Variants in MAN2A1 observed in about 807,000 individuals in gnomAD.
MAN2A1 encodes alpha-mannosidase 2.
MAN2A1 carries 76 observed loss-of-function variants against 142.6 expected under a neutral mutation model. The observed-to-expected ratio is 0.53, with a 90% CI of 0.44 to 0.65. The LOEUF is 0.65. Ranked by LOEUF, MAN2A1 falls within the 30% of genes least tolerant of loss-of-function variation. The probability of loss-of-function intolerance (pLI) is 0.00; values close to 1 mark genes in which losing one functional copy is unlikely to be tolerated. For missense variants in MAN2A1, 1,311 were observed against 1,365.1 expected (o/e 0.96, Z 0.62); for synonymous variants, 559 against 473.2 (o/e 1.18, Z -2.35).
chr5:109,847,709 C>T lies in MAN2A1; in HGVS notation c.2895C>T (p.Gly965=). 3.7e-6 allele frequency: 6 copies of T among 1,600,572 alleles called. No individual in the cohort carries two copies. The highest frequency in any genetic ancestry group is 5.1e-6 in the Non-Finnish European group (6 of 1,174,034). The change falls in exon 19 of 22, where the codon GGC becomes GGT. Residue 965 remains glycine (G), a synonymous_variant. Transcript: ENST00000261483. ...GACTCATGCAAGATGATAATCGTGG[C>T]CTTGAGCAAGGTATCCAGGATAACA... is the stretch of plus-strand genomic sequence containing the variant. The part of the protein sequence containing the change: ...DRRLMQDDNR[G]LEQGIQDNKI...
intron 3 of MAN2A1, among the ~76,000 whole-genome samples, chr5:109,726,271 G>T (rs1751742088): frequency 1.3e-5 from 2 of 151,984 alleles, no homozygotes; most frequent in South Asian, 4.1e-4. Flanking sequence ...ATTTCTGGTT[G>T]GTCTCATGTT....
chr5:109,795,371 A>T (rs985254803), intron 12 of MAN2A1, among the ~76,000 whole-genome samples: 10 of 152,194 alleles, frequency 6.6e-5, no homozygotes, highest in Non-Finnish European at 1.3e-4. Flanking sequence ...ACATTGACTG[A>T]AATTAAATAA....
At chr5:109,765,010 A>G (rs1039469832) in intron 5 of MAN2A1, among the ~76,000 whole-genome samples, 1 of 152,146 alleles carries the variant, frequency 6.6e-6, no homozygotes, top group Non-Finnish European at 1.5e-5. Flanking sequence ...ACTTCATTGC[A>G]TATTTCCTAA....
intron 2 of MAN2A1, 104 bp downstream of exon 2, chr5:109,713,878 T>G: frequency 5.8e-6 from 6 of 1,026,600 alleles, no homozygotes; most frequent in Non-Finnish European, 7.1e-6. Context: ...TTAAACTCTT[T>G]GGATTCTAGT....
In MAN2A1 at chr5:109,726,112, A is replaced by G. The variant is rs551196736; in HGVS notation, c.536-3230A>G. On this transcript the variant is annotated intron_variant, in intron 3 of 21. Transcript: ENST00000261483. ...TCTAGCCCTCGTTCAATTTTCAGGG[A>G]TATTCCAACAGAAAGAAAAAAAGCT... Among the ~76,000 whole-genome samples the G allele has an allele frequency of 2.6e-5, 4 of 152,284 alleles. No homozygotes were observed. In the South Asian group the frequency reaches 8.3e-4, roughly 32 times the overall value.
At chr5:109,830,437 C>T (rs2112740829) in intron 16 of MAN2A1, among the ~76,000 whole-genome samples, 1 of 152,330 alleles carries the variant, frequency 6.6e-6, no homozygotes, top group Admixed American at 6.5e-5. Context: ...CTAAATTCAT[C>T]TTCTACACTT....
chr5:109,745,564 A>G (rs1044949921), intron 4 of MAN2A1, among the ~76,000 whole-genome samples: 2 of 152,124 alleles, frequency 1.3e-5, no homozygotes, highest in Non-Finnish European at 2.9e-5. Flanking sequence ...CTGCTTATTA[A>G]AACTTTGCAG....
At chr5:109,791,035 CT>C (rs1283673423) in intron 12 of MAN2A1, among the ~76,000 whole-genome samples, 1 of 151,956 alleles carries the variant, frequency 6.6e-6, no homozygotes, top group Non-Finnish European at 1.5e-5. Context: ...TATTTTTAAG[CT>C]TTCATATTGA....
intron 10 of MAN2A1, among the ~76,000 whole-genome samples, chr5:109,788,182 T>C (rs1043758174): frequency 6.7e-6 from 1 of 149,768 alleles, no homozygotes; most frequent in Non-Finnish European, 1.5e-5. Context: ...TATGGATGCC[T>C]GGTCTGTAGA....
At chr5:109,708,662 GTC>G (rs1050457670) in intron 1 of MAN2A1, among the ~76,000 whole-genome samples, 5 of 152,154 alleles carry the variant, frequency 3.3e-5, no homozygotes, top group African/African-American at 1.2e-4. Flanking sequence ...GCAGGACTTA[GTC>G]TAAGTCTGAA....
chr5:109,849,560 C>T (rs1010110582), intron 19 of MAN2A1, among the ~76,000 whole-genome samples: 5 of 152,142 alleles, frequency 3.3e-5, no homozygotes, highest in African/African-American at 1.2e-4. Flanking sequence ...ATCTCATTGC[C>T]TGAATATTTC....
intron 1 of MAN2A1, among the ~76,000 whole-genome samples, chr5:109,705,361 C>T (rs942402186): frequency 6.6e-6 from 1 of 152,104 alleles, no homozygotes; most frequent in African/African-American, 2.4e-5. Context: ...TTACTTTGAA[C>T]CATAAAGGGT....
intron 1 of MAN2A1, among the ~76,000 whole-genome samples, chr5:109,691,506 AAG>A (rs1254211990): frequency 6.6e-6 from 1 of 152,232 alleles, no homozygotes; most frequent in African/African-American, 2.4e-5. Context: ...ACTTACGAGA[AAG>A]AGAAGCCTAG....
At chr5:109,732,766 C>A (rs1252133477) in intron 4 of MAN2A1, among the ~76,000 whole-genome samples, 1 of 152,088 alleles carries the variant, frequency 6.6e-6, no homozygotes, top group Non-Finnish European at 1.5e-5. Flanking sequence ...GTTACTGTAG[C>A]CTTGTAGTAT....
intron 6 of MAN2A1, 136 bp from the exon 7 acceptor site, chr5:109,770,219 A>G (rs2112650290): frequency 1.4e-6 from 1 of 711,206 alleles, no homozygotes; most frequent in East Asian, 2.6e-5. Flanking sequence ...GGGTATATGT[A>G]CTGGAAGTTA....
rs1753984160 is a variant in MAN2A1, at chr5:109,800,231, C to G, written c.1943+10704C>G. ...TTAGAACTCAGCTTAGATGTTACAT[C>G]TTACATCCTCTGGAAACTTGGTTGA... On this transcript the variant is annotated intron_variant, in intron 12 of 21. Transcript: ENST00000261483. Among the ~76,000 whole-genome samples the G allele has an allele frequency of 4.6e-5, 7 of 152,124 alleles. No homozygotes were observed. The South Asian group carries it at 1.5e-3, about 32-fold the overall frequency.
intron 7 of MAN2A1, among the ~76,000 whole-genome samples, chr5:109,772,581 A>C (rs3753176): frequency 0.18 from 26,635 of 151,992 alleles, 3,285 homozygotes; most frequent in East Asian, 0.64. Flanking sequence ...ACAATAGCTC[A>C]CTGGAGCCTC....
chr5:109,848,034 C>G lies in MAN2A1; in HGVS notation c.2976+244C>G, dbSNP rs143577275. Among the ~76,000 whole-genome samples, 201 of 152,162 alleles carry G rather than the reference C, an allele frequency of 1.3e-3. 3 individuals carry two copies. In the East Asian group the frequency reaches 0.031, roughly 23 times the overall value. On this transcript the variant is annotated intron_variant, in intron 19 of 21. Transcript: ENST00000261483. ...TAGATAAAAAATAATGACAGGAAATCACTTTGGGTAAATATTCCTGAAATT... is the reference window on the plus strand; with the variant it reads ...TAGATAAAAAATAATGACAGGAAATGACTTTGGGTAAATATTCCTGAAATT...
chr5:109,746,441 T>C (rs1197905332), intron 4 of MAN2A1, among the ~76,000 whole-genome samples: 1 of 152,164 alleles, frequency 6.6e-6, no homozygotes, highest in African/African-American at 2.4e-5. Context: ...ATTTTGCTCT[T>C]TTCACAGGAG....
Sources: gnomAD v4.1 joint callset for allele counts (sites outside exome capture counted in the v4.1 genomes callset) on GRCh38, gnomAD v4.1.1 for gene constraint, MANE v1.5 for transcripts, NCBI Gene and HGNC (gene_info 2026-07-23, HGNC 2026-07-21) for gene names.